KCNT2: variants seen among roughly 807,000 people sequenced by gnomAD.
KCNT2 encodes potassium sodium-activated channel subfamily T member 2.
KCNT2 carries 67 observed loss-of-function variants against 153.8 expected under a neutral mutation model. The ratio of observed to expected loss-of-function variants is 0.44; its 90% confidence interval spans 0.36 to 0.53. The LOEUF (loss-of-function observed/expected upper bound fraction) is 0.53. KCNT2 is among the 20% of genes least tolerant of loss of function. The pLI, the probability that KCNT2 is intolerant of heterozygous loss-of-function variation, is 0.00. For synonymous variants in KCNT2, 500 were observed against 458.8 expected (o/e 1.09, Z -1.15); for missense variants, 975 against 1,354.8 (o/e 0.72, Z 4.40).
chr1:196,494,532 G>C (rs1201845667), intron 1 of KCNT2, among the ~76,000 whole-genome samples: 1 of 151,994 alleles, frequency 6.6e-6, no homozygotes, highest in African/African-American at 2.4e-5. Context: ...TCCAGTAGCC[G>C]GGACTACAGG....
chr1:196,300,666 A>AT (rs1307036130), intron 22 of KCNT2, among the ~76,000 whole-genome samples: 1 of 152,184 alleles, frequency 6.6e-6, no homozygotes, highest in African/African-American at 2.4e-5. Context: ...ACAGCTGTCC[A>AT]TGCCTAGGCA....
intron 1 of KCNT2, among the ~76,000 whole-genome samples, chr1:196,537,361 C>T (rs1435553977): frequency 6.6e-6 from 1 of 152,172 alleles, no homozygotes; most frequent in African/African-American, 2.4e-5. Flanking sequence ...TAGTCATGTC[C>T]ACTACATAGT....
intron 27 of KCNT2, among the ~76,000 whole-genome samples, chr1:196,229,291 T>G (rs1653743612): frequency 6.6e-6 from 1 of 152,070 alleles, no homozygotes; most frequent in East Asian, 1.9e-4. Flanking sequence ...TAATTATATC[T>G]GTTATAGTGA....
At chr1:196,551,102 G>T (rs988786577) in intron 1 of KCNT2, among the ~76,000 whole-genome samples, 1 of 151,784 alleles carries the variant, frequency 6.6e-6, no homozygotes, top group Non-Finnish European at 1.5e-5. Flanking sequence ...GATGAGTGAA[G>T]CTCAGAAGTT....
At chr1:196,598,130 A>C (rs1664302674) in intron 1 of KCNT2, among the ~76,000 whole-genome samples, 1 of 152,216 alleles carries the variant, frequency 6.6e-6, no homozygotes, top group East Asian at 1.9e-4. Flanking sequence ...CCCTGTCCAA[A>C]GCATTCAAAA....
intron 5 of KCNT2, among the ~76,000 whole-genome samples, chr1:196,469,922 A>T (rs1464589189): frequency 2.0e-5 from 3 of 152,202 alleles, no homozygotes; most frequent in African/African-American, 4.8e-5. Flanking sequence ...CCAATTATCC[A>T]TTATAACACT....
At position 196,288,777 on chromosome 1, in the gene KCNT2, A is replaced by G. The variant is rs550824418; in HGVS notation, c.2596-3019T>C. ...TCTGTAAAATAGAAAGTGTGGAGGAAGATCAGATCACAAGTTGATTTGGAC... is the reference window on the plus strand; with the variant it reads ...TCTGTAAAATAGAAAGTGTGGAGGAGGATCAGATCACAAGTTGATTTGGAC... On this transcript the variant is annotated intron_variant, in intron 22 of 27. Transcript: ENST00000294725. Among the ~76,000 whole-genome samples, 31 of 152,226 alleles carry G rather than the reference A, an allele frequency of 2.0e-4. No individual in the cohort carries two copies. In the South Asian group the frequency reaches 5.6e-3, roughly 27 times the overall value.
At chr1:196,358,732 C>T (rs1246772304) in intron 14 of KCNT2, among the ~76,000 whole-genome samples, 2 of 151,856 alleles carry the variant, frequency 1.3e-5, no homozygotes, top group African/African-American at 2.4e-5. Context: ...TAACACCCAA[C>T]CTTAGCTATA....
At chr1:196,499,876 G>A (rs1680532906) in intron 1 of KCNT2, among the ~76,000 whole-genome samples, 1 of 152,080 alleles carries the variant, frequency 6.6e-6, no homozygotes, top group African/African-American at 2.4e-5. Context: ...AGAAGTGGTG[G>A]CTCATGTCTG....
At chr1:196,384,025 T>C (rs1572247351) in intron 13 of KCNT2, among the ~76,000 whole-genome samples, 1 of 152,194 alleles carries the variant, frequency 6.6e-6, no homozygotes, top group Non-Finnish European at 1.5e-5. Context: ...AGTAGACCTT[T>C]AATATTCTAA....
chr1:196,496,699 T>C (rs1047200442), intron 1 of KCNT2, among the ~76,000 whole-genome samples: 1 of 152,308 alleles, frequency 6.6e-6, no homozygotes, highest in African/African-American at 2.4e-5. Flanking sequence ...TTCAGGGTGG[T>C]AGGTGGCCAG....
intron 20 of KCNT2, among the ~76,000 whole-genome samples, chr1:196,318,459 CACTTCATAGTTTGCATCAGAAAAGGTATA>C (rs1315164102): frequency 2.6e-5 from 4 of 151,556 alleles, no homozygotes; most frequent in African/African-American, 9.7e-5. Flanking sequence ...AGGAAGAATC[CACTTCATAGTTTGCATCAGAAAAGGTATA>C]TGGGACGTTT....
intron 1 of KCNT2, among the ~76,000 whole-genome samples, chr1:196,542,098 G>A (rs541732522): frequency 1.1e-4 from 16 of 151,952 alleles, no homozygotes; most frequent in Non-Finnish European, 2.2e-4. Flanking sequence ...ATTTACAAAA[G>A]GAAGAGTTAT....
intron 3 of KCNT2, among the ~76,000 whole-genome samples, chr1:196,484,739 C>A (rs928735236): frequency 2.0e-5 from 3 of 152,058 alleles, no homozygotes; most frequent in Non-Finnish European, 4.4e-5. Context: ...CAGTTTTCTG[C>A]ATATGGCTAG....
chr1:196,330,102 A>T (rs1334663953), intron 18 of KCNT2, among the ~76,000 whole-genome samples: 1 of 150,158 alleles, frequency 6.7e-6, no homozygotes, highest in African/African-American at 2.4e-5. Context: ...GGCCCAGATG[A>T]ATATTTCAGA....
intron 13 of KCNT2, among the ~76,000 whole-genome samples, chr1:196,375,672 T>C (rs1398687345): frequency 1.3e-5 from 2 of 151,734 alleles, no homozygotes; most frequent in Admixed American, 6.6e-5. Context: ...TAACTTTTTA[T>C]ACTTTATGTG....
intron 1 of KCNT2, among the ~76,000 whole-genome samples, chr1:196,525,379 T>A (rs901525802): frequency 3.9e-5 from 6 of 152,182 alleles, no homozygotes; most frequent in African/African-American, 1.4e-4. Flanking sequence ...ATGCTTTTTG[T>A]TCGTAATTTC....
At chr1:196,354,253 T>A (rs1282806184) in intron 14 of KCNT2, among the ~76,000 whole-genome samples, 1 of 151,792 alleles carries the variant, frequency 6.6e-6, no homozygotes, top group Non-Finnish European at 1.5e-5. Context: ...TTTCACAGCA[T>A]TGTTTTAAGC....
Position 196,280,884 on chromosome 1 carries a change from C to T in KCNT2, c.2886G>A (p.Glu962=), listed in dbSNP as rs1048467149. The T allele has an allele frequency of 2.5e-6, 4 of 1,612,458 alleles. No individual in the cohort carries two copies. The highest frequency in any genetic ancestry group is 3.4e-6 in the Non-Finnish European group (4 of 1,178,822). ...GDVPIGIYRT[E]SQKLTTSESQ... Reference sequence around the variant, plus strand: ...CCTCAGATGTAGTAAGTTTCTGAGACTCAGTCCTGTAGATTCCAATGGGAA... The same window carrying T: ...CCTCAGATGTAGTAAGTTTCTGAGATTCAGTCCTGTAGATTCCAATGGGAA... Residue 962 remains glutamate, a synonymous_variant, in exon 25 of 28, where the codon GAG becomes GAA. Coordinates refer to ENST00000294725, the MANE Select transcript of KCNT2 (RefSeq NM_198503.5).
Sources: allele counts gnomAD v4.1 joint callset (sites outside exome capture counted in the v4.1 genomes callset), GRCh38; gene constraint gnomAD v4.1.1; transcripts MANE v1.5; gene names NCBI Gene and HGNC (gene_info 2026-07-23, HGNC 2026-07-21).